XPO6: variants seen among roughly 807,000 people sequenced by gnomAD.
XPO6 encodes exportin 6, also known as exportin-6.
A neutral mutation model predicts 130.0 loss-of-function variants in XPO6; 3 were observed. The observed-to-expected ratio is 0.02, with a 90% CI of 0.01 to 0.06. The LOEUF (loss-of-function observed/expected upper bound fraction) is 0.06, where lower values mean the gene tolerates loss of function less well. Ranked by LOEUF, XPO6 falls within the 10% of genes least tolerant of loss-of-function variation. The pLI is 1.00. For synonymous variants in XPO6, 524 were observed against 548.9 expected (o/e 0.95, Z 0.63); for missense variants, 970 against 1,393.0 (o/e 0.70, Z 4.83).
chr16:28,120,799 C>G (rs1309369014), intron 14 of XPO6, among the ~76,000 whole-genome samples: 1 of 152,230 alleles, frequency 6.6e-6, no homozygotes, highest in Admixed American at 6.5e-5. Context: ...CAGACCTTTT[C>G]TGTAAAAACC....
chr16:28,129,151 G>T (rs115124830), intron 12 of XPO6, among the ~76,000 whole-genome samples: 329 of 152,344 alleles, frequency 2.2e-3, no homozygotes, highest in African/African-American at 7.4e-3. Context: ...ACACATATGT[G>T]TATCTAAGAT....
In XPO6 at chr16:28,125,810, G is replaced by T. The variant is rs76877639; in HGVS notation, c.1645C>A (p.Arg549=). 1.8e-3 allele frequency: 2,891 copies of T among 1,614,090 alleles called. 48 individuals carry two copies. In the African/African-American group the frequency reaches 0.035, roughly 19 times the overall value. Reference sequence around the variant, plus strand: ...AAGTCTCTCAGGGAGCAGTGCAGCCGCCGGCAGTCGTTCTCCGCCGTGATG... The same window carrying T: ...AAGTCTCTCAGGGAGCAGTGCAGCCTCCGGCAGTCGTTCTCCGCCGTGATG... ...LNITAENDCR[R]LHCSLRDLSS... The change falls in exon 13 of 24, where the codon CGG becomes AGG. Residue 549 remains arginine, a synonymous_variant. Transcript: ENST00000304658.
chr16:28,147,225 T>C (rs2042999973), intron 8 of XPO6, among the ~76,000 whole-genome samples: 2 of 152,180 alleles, frequency 1.3e-5, no homozygotes, highest in Non-Finnish European at 2.9e-5. Flanking sequence ...TGGGTGGTGG[T>C]ATCCAGTGGG....
chr16:28,192,262 CAAAAAAAAAAAAAA>C (rs11429447), intron 1 of XPO6, among the ~76,000 whole-genome samples: 1 of 82,444 alleles, frequency 1.2e-5, no homozygotes, highest in Non-Finnish European at 2.5e-5. Flanking sequence ...GACTCCGTCT[CAAAAAAAAAAAAAA>C]AAAAAAAAGT....
At chr16:28,129,390 T>C (rs979801200) in intron 12 of XPO6, among the ~76,000 whole-genome samples, 3 of 152,214 alleles carry the variant, frequency 2.0e-5, no homozygotes, top group Admixed American at 2.0e-4. Flanking sequence ...CACTTTCTTC[T>C]GTCTGGTCAA....
At position 28,211,899 on chromosome 16, in the gene XPO6, C is replaced by T. The variant is rs1041719628; in HGVS notation, c.-531G>A. On this transcript the variant is annotated 5_prime_UTR_variant, in exon 1 of 24. Coordinates refer to ENST00000304658, the MANE Select transcript of XPO6 (RefSeq NM_015171.4). ...CCCCCTAGAGCATCCTTGCGCGCGC[C>T]CGCCCTGGAGCCGCCCGCTAGTACC... The T allele has an allele frequency of 3.2e-5, 5 of 157,068 alleles. No homozygotes were observed. The highest frequency in any genetic ancestry group is 6.5e-5 in the Admixed American group (1 of 15,366). 9.7% of individuals were successfully genotyped at this position (157,068 alleles called of 1,614,324 possible).
intron 7 of XPO6, chr16:28,154,255 TAAAAA>T (rs11284457): frequency 3.4e-5 from 28 of 811,800 alleles, no homozygotes; most frequent in African/African-American, 2.2e-4. Context: ...ACTACCCATT[TAAAAA>T]AAAAAAAAAA....
chr16:28,180,095 G>A (rs551364275), intron 2 of XPO6, among the ~76,000 whole-genome samples: 7 of 152,122 alleles, frequency 4.6e-5, no homozygotes, highest in African/African-American at 7.2e-5. Context: ...GGCCAGGCAC[G>A]GTGGCTCACA....
intron 12 of XPO6, among the ~76,000 whole-genome samples, chr16:28,130,970 G>A (rs1412863521): frequency 6.6e-6 from 1 of 152,108 alleles, no homozygotes; most frequent in East Asian, 1.9e-4. Context: ...AGTGTCTTCA[G>A]GGTCCTGAGT....
At position 28,098,514 on chromosome 16, in the gene XPO6, C is replaced by T. The variant is rs756349713; in HGVS notation, c.*24G>A. 1.0e-5 allele frequency: 16 copies of T among 1,592,292 alleles called. No homozygotes were observed. Among genetic ancestry groups the T allele is most frequent in the Non-Finnish European group, 1.4e-5 (16 of 1,165,354 alleles). ...TGGCGCAGGTGGCAGCAGCAGAAGTCCGTGTCCCCAGGCAGTAGCAGGCCT... is the reference window on the plus strand; with the variant it reads ...TGGCGCAGGTGGCAGCAGCAGAAGTTCGTGTCCCCAGGCAGTAGCAGGCCT... On this transcript the variant is annotated 3_prime_UTR_variant, in exon 24 of 24. Coordinates refer to ENST00000304658, the MANE Select transcript of XPO6 (RefSeq NM_015171.4).
chr16:28,207,995 C>CAA (rs879640830), intron 1 of XPO6, among the ~76,000 whole-genome samples: 5 of 127,790 alleles, frequency 3.9e-5, no homozygotes, highest in African/African-American at 1.5e-4. Flanking sequence ...AAATACAAAA[C>CAA]AAAAAAAAAA....
intron 6 of XPO6, among the ~76,000 whole-genome samples, chr16:28,157,470 A>G (rs2043202444): frequency 6.6e-6 from 1 of 152,214 alleles, no homozygotes. Flanking sequence ...AATAAAAAAT[A>G]AAAATAAAAA....
intron 8 of XPO6, among the ~76,000 whole-genome samples, chr16:28,151,482 C>G (rs560936868): frequency 1.6e-4 from 25 of 152,184 alleles, no homozygotes; most frequent in Non-Finnish European, 3.4e-4. Context: ...TATGTGCTTT[C>G]ATTCAGAGAA....
At chr16:28,170,190 G>C (rs1189424845) in intron 4 of XPO6, among the ~76,000 whole-genome samples, 1 of 151,810 alleles carries the variant, frequency 6.6e-6, no homozygotes, top group Non-Finnish European at 1.5e-5. Flanking sequence ...AAATTAGCCG[G>C]GTGTGGTGGT....
chr16:28,127,465 T>G (rs2042582321), intron 12 of XPO6, among the ~76,000 whole-genome samples: 1 of 151,954 alleles, frequency 6.6e-6, no homozygotes, highest in African/African-American at 2.4e-5. Flanking sequence ...ACAGAGTGAG[T>G]GACCGTAAAT....
rs762076859 is a variant in XPO6 at position 28,125,654 on chromosome 16, G to A, written c.1766+35C>T. 8.8e-6 allele frequency: 14 copies of A among 1,597,186 alleles called. No homozygotes were observed. The South Asian group carries it at 1.3e-4, about 15-fold the overall frequency. On this transcript the variant is annotated intron_variant, in intron 13 of 23. Transcript: ENST00000304658. ...CAAGAAGGTAAAGCTGAACTCTGAA[G>A]AAGGAACAGCTCCATAAGGTAACTG... is the stretch of plus-strand genomic sequence containing the variant.
intron 9 of XPO6, 43 bp from the exon 10 acceptor site, chr16:28,135,367 G>A (rs1480603085): frequency 1.9e-6 from 3 of 1,559,118 alleles, no homozygotes; most frequent in East Asian, 2.2e-5. Flanking sequence ...GAGGCTTTCA[G>A]CTTAGAATTT....
intron 7 of XPO6, chr16:28,154,451 G>T: frequency 3.7e-6 from 1 of 268,144 alleles, no homozygotes; most frequent in Non-Finnish European, 5.7e-6. Flanking sequence ...AAAGTTAGGG[G>T]AAAAGGCAGT....
chr16:28,167,527 T>C, intron 5 of XPO6, among the ~76,000 whole-genome samples: 1 of 152,214 alleles, frequency 6.6e-6, no homozygotes, highest in East Asian at 1.9e-4. Flanking sequence ...CCAGACTAAA[T>C]GCCACCTGTC....
Sources: gnomAD v4.1 joint callset for allele counts (sites outside exome capture counted in the v4.1 genomes callset) on GRCh38, gnomAD v4.1.1 for gene constraint, MANE v1.5 for transcripts, NCBI Gene and HGNC (gene_info 2026-07-23, HGNC 2026-07-21) for gene names.